Variants in EDIL3 observed in about 807,000 individuals in gnomAD.
EDIL3 encodes EGF-like repeat and discoidin I-like domain-containing protein 3.
EDIL3 carries 37 observed loss-of-function variants against 67.4 expected under a neutral mutation model. The observed-to-expected ratio is 0.55, with a 90% CI of 0.42 to 0.72. The LOEUF is 0.72. EDIL3 is among the 30% of genes least tolerant of loss of function. The pLI, the probability that EDIL3 is intolerant of heterozygous loss-of-function variation, is 0.00. For missense variants in EDIL3, 527 were observed against 586.3 expected (o/e 0.90, Z 1.04); for synonymous variants, 195 against 196.3 (o/e 0.99, Z 0.05).
intron 3 of EDIL3, among the ~76,000 whole-genome samples, chr5:84,200,650 A>G (rs1392417959): frequency 1.3e-5 from 2 of 152,102 alleles, no homozygotes; most frequent in African/African-American, 4.8e-5. Flanking sequence ...TTGTTTTAAC[A>G]AAACTAATTA....
chr5:83,996,395 G>A, intron 9 of EDIL3, among the ~76,000 whole-genome samples: 1 of 152,220 alleles, frequency 6.6e-6, no homozygotes, highest in East Asian at 1.9e-4. Flanking sequence ...GAACAAGGCT[G>A]CCAATGCAGC....
intron 9 of EDIL3, among the ~76,000 whole-genome samples, chr5:84,046,363 A>C (rs1312969791): frequency 1.3e-5 from 2 of 152,164 alleles, no homozygotes; most frequent in African/African-American, 4.8e-5. Flanking sequence ...AGGCTTCCTA[A>C]TCCAACAGAT....
rs565505464 is a variant in EDIL3 at position 83,952,533 on chromosome 5, G to T, written c.1294-8965C>A. Among the ~76,000 whole-genome samples the T allele has an allele frequency of 4.3e-4, 66 of 151,912 alleles. 2 individuals are homozygous for T. In the South Asian group the frequency reaches 0.014, roughly 31 times the overall value. ...CTGCTTTTCAAAGACATCTCCAGGA[G>T]ATATTACCAGGAATAGTTGGAAAGT... On this transcript the variant is annotated intron_variant, in intron 10 of 10. Coordinates refer to ENST00000296591, the MANE Select transcript of EDIL3 (RefSeq NM_005711.5).
intron 9 of EDIL3, among the ~76,000 whole-genome samples, chr5:84,041,588 A>G (rs1746124232): frequency 6.9e-6 from 1 of 145,404 alleles, no homozygotes; most frequent in African/African-American, 2.5e-5. Context: ...TATATACTAT[A>G]TATGTATATA....
chr5:84,357,887 CAAAAAAAA>C (rs140686250), intron 1 of EDIL3, among the ~76,000 whole-genome samples: 3 of 79,274 alleles, frequency 3.8e-5, no homozygotes, highest in African/African-American at 1.5e-4. Flanking sequence ...GACTCAGTCT[CAAAAAAAA>C]AAAAAAAAAA....
At chr5:84,269,890 C>G (rs959777342) in intron 1 of EDIL3, among the ~76,000 whole-genome samples, 1 of 152,126 alleles carries the variant, frequency 6.6e-6, no homozygotes, top group African/African-American at 2.4e-5. Context: ...TGGGATAACT[C>G]TTTATACAGC....
chr5:84,106,816 G>C lies in EDIL3; in HGVS notation c.484C>G (p.Leu162Val). ...RNCQYKCSGP[L>V]GIEGGIISNQ... ...GATATAATTCCACCTTCAATTCCCA[G>C]TGGGCCTGAGCATTCTGGAAACAAA... The change falls in exon 6 of 11, where the codon CTG becomes GTG. Residue 162 changes from leucine (L) to valine (V), a missense_variant. This residue lies in a region of EDIL3 where 494 missense variants were observed against 522.5 expected (regional missense o/e 0.95). Coordinates refer to ENST00000296591, the MANE Select transcript of EDIL3 (RefSeq NM_005711.5). The C allele has an allele frequency of 6.2e-7, 1 of 1,607,224 alleles. No individual in the cohort carries two copies. The highest frequency in any genetic ancestry group is 8.5e-7 in the Non-Finnish European group (1 of 1,177,568).
chr5:84,140,001 G>C (rs1580345786), intron 4 of EDIL3, among the ~76,000 whole-genome samples: 2 of 152,132 alleles, frequency 1.3e-5, no homozygotes, highest in African/African-American at 4.8e-5. Flanking sequence ...AACAGATTAT[G>C]ATGAACCCTT....
intron 10 of EDIL3, among the ~76,000 whole-genome samples, chr5:83,961,653 T>C (rs1010748369): frequency 1.3e-5 from 2 of 151,098 alleles, no homozygotes. Flanking sequence ...ATTTCAAGCC[T>C]GTATAACTTA....
chr5:83,998,281 C>A (rs2112166505), intron 9 of EDIL3, among the ~76,000 whole-genome samples: 1 of 152,252 alleles, frequency 6.6e-6, no homozygotes, highest in South Asian at 2.1e-4. Context: ...GAGCAGAGTC[C>A]TGATGCTCTC....
At chr5:84,233,929 T>C (rs1580390167) in intron 2 of EDIL3, among the ~76,000 whole-genome samples, 1 of 152,172 alleles carries the variant, frequency 6.6e-6, no homozygotes, top group Non-Finnish European at 1.5e-5. Context: ...TTTTAGAATC[T>C]TGATGAGATT....
intron 1 of EDIL3, among the ~76,000 whole-genome samples, chr5:84,328,615 TCTG>T (rs1467157820): frequency 1.3e-5 from 2 of 152,060 alleles, no homozygotes; most frequent in African/African-American, 4.8e-5. Flanking sequence ...CAAAGTTCAC[TCTG>T]CTATCTCTTT....
intron 6 of EDIL3, among the ~76,000 whole-genome samples, chr5:84,080,915 A>G (rs962967226): frequency 5.3e-5 from 8 of 152,244 alleles, no homozygotes; most frequent in African/African-American, 1.9e-4. Context: ...CCTTTAAACT[A>G]TCCTCCATGT....
At chr5:84,306,439 AATG>A (rs1336534563) in intron 1 of EDIL3, among the ~76,000 whole-genome samples, 4 of 152,252 alleles carry the variant, frequency 2.6e-5, no homozygotes, top group African/African-American at 9.6e-5. Flanking sequence ...TGTTATAAAT[AATG>A]ATGATTTTTT....
chr5:84,017,312 C>G (rs957270744), intron 9 of EDIL3, among the ~76,000 whole-genome samples: 1 of 152,106 alleles, frequency 6.6e-6, no homozygotes, highest in African/African-American at 2.4e-5. Context: ...TCCTTTTATT[C>G]AGTTTGGTAC....
At chr5:84,304,840 A>T (rs1414171065) in intron 1 of EDIL3, among the ~76,000 whole-genome samples, 2 of 152,212 alleles carry the variant, frequency 1.3e-5, no homozygotes, top group East Asian at 3.8e-4. Context: ...TTCACTTTTT[A>T]AAATATAAAA....
At chr5:84,169,982 C>T (rs1748784793) in intron 4 of EDIL3, among the ~76,000 whole-genome samples, 1 of 152,162 alleles carries the variant, frequency 6.6e-6, no homozygotes, top group African/African-American at 2.4e-5. Context: ...TAATGAAGTT[C>T]TATGACAGCA....
At chr5:84,344,460 T>G (rs958521115) in intron 1 of EDIL3, among the ~76,000 whole-genome samples, 13 of 151,998 alleles carry the variant, frequency 8.6e-5, no homozygotes, top group Non-Finnish European at 1.6e-4. Flanking sequence ...ATATAATAAT[T>G]TAGCTATTGG....
chr5:84,020,848 A>T (rs765414015), intron 9 of EDIL3, among the ~76,000 whole-genome samples: 26 of 152,100 alleles, frequency 1.7e-4, no homozygotes, highest in South Asian at 4.1e-4. Flanking sequence ...TTACTAAAGA[A>T]TCTCACATAC....
Sources: allele counts gnomAD v4.1 joint callset (sites outside exome capture counted in the v4.1 genomes callset), GRCh38; gene constraint gnomAD v4.1.1; regional missense constraint gnomAD v4.1.1; transcripts MANE v1.5; gene names NCBI Gene and HGNC (gene_info 2026-07-23, HGNC 2026-07-21).